The following DLGAP2 variants were observed in gnomAD, a reference collection of about 807,000 sequenced individuals.
DLGAP2 encodes the protein DLG associated protein 2.
A neutral mutation model predicts 100.3 loss-of-function variants in DLGAP2; 26 were observed. The observed-to-expected ratio is 0.26, with a 90% CI of 0.19 to 0.36. The LOEUF (loss-of-function observed/expected upper bound fraction) is 0.36, where lower values mean the gene tolerates loss of function less well. DLGAP2 is among the 10% of genes least tolerant of loss of function. The pLI, the probability that DLGAP2 is intolerant of heterozygous loss-of-function variation, is 1.00. For missense variants in DLGAP2, 1,858 were observed against 1,453.2 expected (o/e 1.28, Z -4.53); for synonymous variants, 886 against 630.1 (o/e 1.41, Z -6.08).
chr8:918,176 T>C (rs553504884), intron 2 of DLGAP2, among the ~76,000 whole-genome samples: 8 of 152,294 alleles, frequency 5.3e-5, no homozygotes, highest in African/African-American at 1.9e-4. Flanking sequence ...CTTTCTGGTC[T>C]GTGTGGGTCT....
intron 8 of DLGAP2, among the ~76,000 whole-genome samples, chr8:1,636,130 T>A (rs1030691796): frequency 6.6e-6 from 1 of 152,260 alleles, no homozygotes; most frequent in South Asian, 2.1e-4. Flanking sequence ...TTCTTTCTCA[T>A]CTGGGAAATT....
At chr8:937,105 C>T (rs976016704) in intron 2 of DLGAP2, among the ~76,000 whole-genome samples, 4 of 152,282 alleles carry the variant, frequency 2.6e-5, no homozygotes, top group Admixed American at 2.0e-4. Context: ...TCAGCCATGG[C>T]ACTCTTCTTA....
intron 3 of DLGAP2, among the ~76,000 whole-genome samples, chr8:1,362,622 A>G (rs571363044): frequency 1.3e-4 from 19 of 151,976 alleles, no homozygotes; most frequent in Admixed American, 4.6e-4. Flanking sequence ...TCCCCTTAAC[A>G]CCAGCACCGT....
intron 3 of DLGAP2, among the ~76,000 whole-genome samples, chr8:1,299,453 C>T (rs1015677722): frequency 3.3e-5 from 5 of 152,204 alleles, no homozygotes; most frequent in Non-Finnish European, 7.3e-5. Flanking sequence ...TAATAATACT[C>T]TTTGTGATAA....
At chr8:1,679,880 TG>T (rs1216896814) in intron 12 of DLGAP2, among the ~76,000 whole-genome samples, 3 of 147,440 alleles carry the variant, frequency 2.0e-5, no homozygotes, top group African/African-American at 7.6e-5. Context: ...TTTGGGAGGC[TG>T]AGGCAGGAAA....
chr8:1,286,862 A>C (rs1799932325), intron 3 of DLGAP2, among the ~76,000 whole-genome samples: 4 of 152,256 alleles, frequency 2.6e-5, no homozygotes. Context: ...GATTTGCACA[A>C]GTGCATTCGA....
intron 2 of DLGAP2, among the ~76,000 whole-genome samples, chr8:1,084,981 A>T (rs1417528589): frequency 6.6e-6 from 1 of 152,188 alleles, no homozygotes; most frequent in African/African-American, 2.4e-5. Context: ...TTACATTCCC[A>T]CTAACAGCGA....
intron 3 of DLGAP2, among the ~76,000 whole-genome samples, chr8:1,291,759 A>G (rs1800064729): frequency 6.6e-6 from 1 of 152,098 alleles, no homozygotes; most frequent in African/African-American, 2.4e-5. Flanking sequence ...CACCACACCC[A>G]ACATTGAGCC....
intron 3 of DLGAP2, among the ~76,000 whole-genome samples, chr8:1,464,528 C>A (rs1160246606): frequency 6.6e-6 from 1 of 151,042 alleles, no homozygotes; most frequent in African/African-American, 2.4e-5. Context: ...GGAAAGCACC[C>A]TTCCAGGACA....
At chr8:1,317,876 C>T (rs1422005528) in intron 3 of DLGAP2, among the ~76,000 whole-genome samples, 1 of 140,508 alleles carries the variant, frequency 7.1e-6, no homozygotes, top group Non-Finnish European at 1.5e-5. Context: ...AAAAATAGAG[C>T]GTGTGTGAGT....
intron 1 of DLGAP2, among the ~76,000 whole-genome samples, chr8:756,888 G>A (rs1221604028): frequency 6.6e-6 from 1 of 152,126 alleles, no homozygotes; most frequent in African/African-American, 2.4e-5. Context: ...TCACTTCTCT[G>A]CATGCGGTGT....
intron 3 of DLGAP2, among the ~76,000 whole-genome samples, chr8:1,412,641 A>G (rs1796765572): frequency 6.6e-6 from 1 of 152,190 alleles, no homozygotes; most frequent in African/African-American, 2.4e-5. Context: ...ATAGCAATGG[A>G]GCCCACTGTG....
chr8:802,747 G>A (rs531274623), intron 1 of DLGAP2, among the ~76,000 whole-genome samples: 30 of 152,196 alleles, frequency 2.0e-4, no homozygotes, highest in African/African-American at 6.5e-4. Flanking sequence ...TCTCTCAGAC[G>A]GTCACACACC....
chr8:1,597,433 C>A (rs1043304599), intron 6 of DLGAP2, among the ~76,000 whole-genome samples: 2 of 151,544 alleles, frequency 1.3e-5, no homozygotes, highest in Non-Finnish European at 2.9e-5. Flanking sequence ...ATGGGGATAG[C>A]ATGGAATCTG....
chr8:839,220 G>A (rs138882291), intron 1 of DLGAP2, among the ~76,000 whole-genome samples: 32 of 152,128 alleles, frequency 2.1e-4, no homozygotes, highest in Non-Finnish European at 2.5e-4. Flanking sequence ...TGATCCAGCC[G>A]TCCCACTTCT....
At chr8:742,013 C>G (rs1322935383) in intron 1 of DLGAP2, among the ~76,000 whole-genome samples, 2 of 152,192 alleles carry the variant, frequency 1.3e-5, no homozygotes, top group African/African-American at 4.8e-5. Flanking sequence ...CCTGAGGATG[C>G]TGTTGGAAGC....
chr8:814,326 C>A (rs1437812711), intron 1 of DLGAP2, among the ~76,000 whole-genome samples: 1 of 152,178 alleles, frequency 6.6e-6, no homozygotes, highest in African/African-American at 2.4e-5. Flanking sequence ...TAGTTTAGCT[C>A]TTAGAACATT....
intron 3 of DLGAP2, among the ~76,000 whole-genome samples, chr8:1,441,285 T>C (rs913001462): frequency 5.9e-5 from 9 of 152,208 alleles, no homozygotes; most frequent in Non-Finnish European, 1.0e-4. Context: ...TAAAATTGCA[T>C]AAAATTACGT....
At chr8:1,274,561 A>G (rs1261666889) in intron 3 of DLGAP2, among the ~76,000 whole-genome samples, 2 of 151,626 alleles carry the variant, frequency 1.3e-5, no homozygotes, top group African/African-American at 4.8e-5. Context: ...TAGAACATAA[A>G]CCATAAAATG....
Sources: allele counts gnomAD v4.1 joint callset (sites outside exome capture counted in the v4.1 genomes callset), GRCh38; gene constraint gnomAD v4.1.1; transcripts MANE v1.5; gene names NCBI Gene and HGNC (gene_info 2026-07-23, HGNC 2026-07-21).